PCLAF: variants seen among roughly 807,000 people sequenced by gnomAD.
The protein encoded by PCLAF is PCNA clamp associated factor.
In PCLAF, 12 loss-of-function variants were observed where a neutral mutation model predicts 15.1. The observed-to-expected ratio is 0.79, with a 90% CI of 0.51 to 1.29. The LOEUF (loss-of-function observed/expected upper bound fraction) is 1.29. Ranked by LOEUF, PCLAF falls within the 50% of genes most tolerant of loss-of-function variation. The probability of loss-of-function intolerance (pLI) is 0.00; values close to 1 mark genes in which losing one functional copy is unlikely to be tolerated. For synonymous variants in PCLAF, 33 were observed against 47.1 expected, an observed-to-expected ratio of 0.70 and a Z score of 1.22; for missense variants, 116 against 130.9, an observed-to-expected ratio of 0.89 and a Z score of 0.56.
At chr15:64,383,427 C>T (rs751417553), upstream of PCLAF, among the ~76,000 whole-genome samples, 18 of 150,766 alleles carry the variant, frequency 1.2e-4, no homozygotes, top group Admixed American at 2.0e-4. Context: ...AATGCAGTGG[C>T]GTGTTCTCGG....
chr15:64,381,416 A>C lies in PCLAF; in HGVS notation c.-45T>G, dbSNP rs11554310. The C allele has an allele frequency of 3.1e-6, 5 of 1,613,986 alleles. No individual in the cohort carries two copies. The highest frequency in any genetic ancestry group is 4.2e-6 in the Non-Finnish European group (5 of 1,180,002). On this transcript the variant is annotated 5_prime_UTR_variant, in exon 1 of 4. Coordinates refer to ENST00000300035, the MANE Select transcript of PCLAF (RefSeq NM_014736.6). The stretch of plus-strand genomic sequence containing the variant: ...AGAGGAGAGAACGAACTGACTTCCC[A>C]GCCGAGGGTGTTTCACTGGACAAGG...
intron 3 of PCLAF, among the ~76,000 whole-genome samples, chr15:64,370,622 G>A (rs1899251855): frequency 6.6e-6 from 1 of 151,256 alleles, no homozygotes; most frequent in Non-Finnish European, 1.5e-5. Flanking sequence ...ACCTGCCTTG[G>A]ACTTTCAAAA....
rs1352917378 is a variant in PCLAF, at chr15:64,381,423, G to T, written c.-52C>A. The T allele has an allele frequency of 6.2e-7, 1 of 1,613,712 alleles. No homozygotes were observed. The highest frequency in any genetic ancestry group is 8.5e-7 in the Non-Finnish European group (1 of 1,179,934). Reference sequence around the variant, plus strand: ...AGAACGAACTGACTTCCCAGCCGAGGGTGTTTCACTGGACAAGGACCCGAA... The same window carrying T: ...AGAACGAACTGACTTCCCAGCCGAGTGTGTTTCACTGGACAAGGACCCGAA... On this transcript the variant is annotated 5_prime_UTR_variant, in exon 1 of 4. Coordinates refer to ENST00000300035, the MANE Select transcript of PCLAF (RefSeq NM_014736.6).
intron 3 of PCLAF, among the ~76,000 whole-genome samples, chr15:64,368,985 G>C (rs1051769644): frequency 2.0e-5 from 3 of 152,162 alleles, no homozygotes; most frequent in Non-Finnish European, 2.9e-5. Flanking sequence ...GAACGAGGAA[G>C]AAAGGTGCCA....
rs139462816 is a variant in PCLAF at position 64,369,831 on chromosome 15, T to C, written c.291-3756A>G. ...CTAGTTTGTGTTCAATGAAAATCCA[T>C]TCCAAACACAATGTACAATCCAAAA... On this transcript the variant is annotated intron_variant, in intron 3 of 3. Transcript: ENST00000300035. 5.9e-5 allele frequency among the ~76,000 whole-genome samples: 9 copies of C among 152,276 alleles called. No homozygotes were observed. In the East Asian group the frequency reaches 9.6e-4, roughly 16 times the overall value.
intron 3 of PCLAF, among the ~76,000 whole-genome samples, chr15:64,374,934 C>CT (rs946332543): frequency 3.3e-5 from 5 of 150,536 alleles, no homozygotes; most frequent in African/African-American, 7.3e-5. Flanking sequence ...AACTCGGAAA[C>CT]TTTTTTTTAA....
At chr15:64,377,023 AAGAT>A in intron 2 of PCLAF, 118 bp from the exon 3 acceptor site, 2 of 754,830 alleles carry the variant, frequency 2.6e-6, no homozygotes, top group African/African-American at 1.8e-5. Flanking sequence ...ATCTTTATTT[AAGAT>A]ATACAACTTA....
intron 3 of PCLAF, among the ~76,000 whole-genome samples, chr15:64,375,874 T>C (rs1266710609): frequency 6.6e-6 from 1 of 152,200 alleles, no homozygotes; most frequent in Non-Finnish European, 1.5e-5. Flanking sequence ...CTTATGTGAA[T>C]GGGAACTGAT....
chr15:64,374,946 G>A (rs540903391), intron 3 of PCLAF, among the ~76,000 whole-genome samples: 1 of 151,602 alleles, frequency 6.6e-6, no homozygotes, highest in African/African-American at 2.4e-5. Flanking sequence ...TTTTTTTAAA[G>A]GTTGCACACC....
intron 2 of PCLAF, among the ~76,000 whole-genome samples, chr15:64,379,759 TG>T (rs1266890522): frequency 6.6e-6 from 1 of 152,156 alleles, no homozygotes; most frequent in African/African-American, 2.4e-5. Context: ...AGGCACCAGA[TG>T]GCAGGGCATT....
intron 3 of PCLAF, among the ~76,000 whole-genome samples, chr15:64,369,363 TAAAAAAAAAA>T (rs72110519): frequency 2.1e-5 from 2 of 94,728 alleles, no homozygotes; most frequent in South Asian, 3.5e-4. Flanking sequence ...CCTGTCTCTT[TAAAAAAAAAA>T]AAAAAAAAAA....
intron 1 of PCLAF, among the ~76,000 whole-genome samples, chr15:64,387,122 T>C (rs1002175912): frequency 6.6e-6 from 1 of 151,866 alleles, no homozygotes; most frequent in African/African-American, 2.4e-5. Context: ...AAAAATAAAA[T>C]AGAAGTTTTA....
At chr15:64,386,840 C>A (rs1899952230) in intron 1 of PCLAF, among the ~76,000 whole-genome samples, 1 of 152,036 alleles carries the variant, frequency 6.6e-6, no homozygotes, top group Admixed American at 6.6e-5. Flanking sequence ...TCTAAACAGG[C>A]TAGTAGAAAT....
intron 1 of PCLAF, among the ~76,000 whole-genome samples, chr15:64,386,964 G>GGAATT (rs200505782): frequency 0.025 from 3,802 of 152,084 alleles, 139 homozygotes; most frequent in African/African-American, 0.088. Flanking sequence ...AGCGGGGTAG[G>GGAATT]GAATTGCAGA....
Position 64,365,095 on chromosome 15 carries a change from C to A in PCLAF, c.*935G>T, listed in dbSNP as rs930864949. 1.3e-5 allele frequency: 2 copies of A among 151,804 alleles called. No individual in the cohort carries two copies. Among genetic ancestry groups the A allele is most frequent in the African/African-American group, 4.8e-5 (2 of 41,318 alleles). The allele number at this position is 151,804 out of a possible 1,614,324, so 9.4% of individuals were successfully genotyped here. On this transcript the variant is annotated 3_prime_UTR_variant, in exon 4 of 4. Transcript: ENST00000300035. The stretch of plus-strand genomic sequence containing the variant: ...TCGGCTCACTGCAAGCTCCACTTCC[C>A]GGGTTCACGCCATTCTCCTGCCTCA...
chr15:64,377,420 T>C (rs1189190085), intron 2 of PCLAF, among the ~76,000 whole-genome samples: 3 of 133,396 alleles, frequency 2.2e-5, no homozygotes, highest in Non-Finnish European at 3.1e-5. Flanking sequence ...TGAGCCAAGA[T>C]TGCGCCGCCA....
chr15:64,379,907 AC>A (rs1899755464), intron 2 of PCLAF, among the ~76,000 whole-genome samples: 1 of 151,760 alleles, frequency 6.6e-6, no homozygotes, highest in African/African-American at 2.4e-5. Context: ...AAACAAACAA[AC>A]AAACAAAAAA....
intron 3 of PCLAF, among the ~76,000 whole-genome samples, chr15:64,366,326 T>C (rs1361753099): frequency 2.6e-5 from 4 of 152,234 alleles, no homozygotes; most frequent in Non-Finnish European, 5.9e-5. Flanking sequence ...TTAGACTACG[T>C]TGTAATTTTT....
chr15:64,376,565 G>A (rs1367960796), intron 3 of PCLAF, among the ~76,000 whole-genome samples, 178 bp downstream of exon 3: 1 of 152,090 alleles, frequency 6.6e-6, no homozygotes, highest in Non-Finnish European at 1.5e-5. Context: ...GACAACAGGT[G>A]TGCACCAGCA....
Sources: gnomAD v4.1 joint callset for allele counts (sites outside exome capture counted in the v4.1 genomes callset) on GRCh38, gnomAD v4.1.1 for gene constraint, MANE v1.5 for transcripts, NCBI Gene and HGNC (gene_info 2026-07-23, HGNC 2026-07-21) for gene names.